The following ARHGAP15 variants were observed in gnomAD, a reference collection of about 807,000 sequenced individuals.
ARHGAP15 encodes Rho GTPase activating protein 15, also known as rho GTPase-activating protein 15.
A neutral mutation model predicts 63.7 loss-of-function variants in ARHGAP15; 51 were observed. That is an observed-to-expected ratio of 0.80 (90% CI 0.64 to 1.01). The LOEUF (loss-of-function observed/expected upper bound fraction) is 1.01. ARHGAP15 is among the 50% of genes least tolerant of loss of function. The pLI is 0.00. For missense variants in ARHGAP15, 560 were observed against 564.6 expected, an observed-to-expected ratio of 0.99 and a Z score of 0.08; for synonymous variants, 191 against 193.8, an observed-to-expected ratio of 0.99 and a Z score of 0.12.
At chr2:143,373,996 A>G (rs778235496) in intron 6 of ARHGAP15, among the ~76,000 whole-genome samples, 48 of 152,182 alleles carry the variant, frequency 3.2e-4, no homozygotes, top group Non-Finnish European at 5.6e-4. Flanking sequence ...TTTCAGAAAT[A>G]TGTTAGCTCT....
intron 11 of ARHGAP15, among the ~76,000 whole-genome samples, chr2:143,558,857 C>T (rs541756780): frequency 3.1e-4 from 47 of 152,294 alleles, no homozygotes; most frequent in African/African-American, 1.1e-3. Flanking sequence ...TGCCACATGA[C>T]TCTTGTTTCT....
chr2:143,763,630 A>C (rs1686841122), intron 13 of ARHGAP15, among the ~76,000 whole-genome samples: 1 of 150,322 alleles, frequency 6.7e-6, no homozygotes, highest in African/African-American at 2.4e-5. Context: ...TAAATAATAA[A>C]TTGCATATAT....
intron 12 of ARHGAP15, among the ~76,000 whole-genome samples, chr2:143,652,165 A>G (rs1471770784): frequency 6.6e-6 from 1 of 151,846 alleles, no homozygotes; most frequent in Non-Finnish European, 1.5e-5. Context: ...TTCTTATTCA[A>G]ACTTGTTTTT....
chr2:143,483,410 ATT>A (rs1323885593), intron 8 of ARHGAP15, among the ~76,000 whole-genome samples: 2 of 152,192 alleles, frequency 1.3e-5, no homozygotes, highest in Admixed American at 1.3e-4. Context: ...TTGGCCCTGC[ATT>A]TCTTGGTATT....
intron 11 of ARHGAP15, among the ~76,000 whole-genome samples, chr2:143,619,142 G>A (rs1330849445): frequency 6.6e-6 from 1 of 152,048 alleles, no homozygotes; most frequent in Admixed American, 6.5e-5. Context: ...ATATTTAAAT[G>A]CTCCTTGTTC....
intron 9 of ARHGAP15, among the ~76,000 whole-genome samples, chr2:143,500,243 AT>A (rs1291840555): frequency 6.7e-6 from 1 of 149,476 alleles, no homozygotes; most frequent in Non-Finnish European, 1.5e-5. Context: ...TATTTTATAT[AT>A]TTTTATATAT....
At chr2:143,433,820 CATTT>C (rs1296649797) in intron 6 of ARHGAP15, among the ~76,000 whole-genome samples, 2 of 151,972 alleles carry the variant, frequency 1.3e-5, no homozygotes, top group African/African-American at 4.8e-5. Flanking sequence ...TTGGCTAATT[CATTT>C]GTCTTTGTGT....
At chr2:143,333,396 C>A (rs1684635301) in intron 6 of ARHGAP15, among the ~76,000 whole-genome samples, 1 of 152,180 alleles carries the variant, frequency 6.6e-6, no homozygotes, top group Admixed American at 6.5e-5. Context: ...CTCATTCGAG[C>A]CCTTCTTGTC....
At chr2:143,493,203 G>T (rs1199427229) in intron 9 of ARHGAP15, among the ~76,000 whole-genome samples, 1 of 152,042 alleles carries the variant, frequency 6.6e-6, no homozygotes. Flanking sequence ...AAAGGGTAAG[G>T]CCCCTGATTA....
intron 13 of ARHGAP15, among the ~76,000 whole-genome samples, chr2:143,716,648 A>C (rs890057435): frequency 1.3e-5 from 2 of 152,358 alleles, no homozygotes; most frequent in East Asian, 3.9e-4. Flanking sequence ...AGCAAACTTC[A>C]AAGTGGAAGG....
At chr2:143,545,285 C>G (rs1371451861) in intron 10 of ARHGAP15, among the ~76,000 whole-genome samples, 1 of 151,978 alleles carries the variant, frequency 6.6e-6, no homozygotes, top group African/African-American at 2.4e-5. Flanking sequence ...AGGCACCTCC[C>G]CAAAGATCAA....
chr2:143,275,731 C>T lies in ARHGAP15; in HGVS notation c.474+25131C>T, dbSNP rs1013928893. Among the ~76,000 whole-genome samples, 12 of 152,088 alleles carry T rather than the reference C, an allele frequency of 7.9e-5. No individual in the cohort carries two copies. In the East Asian group the frequency reaches 9.6e-4, roughly 12 times the overall value. On this transcript the variant is annotated intron_variant, in intron 6 of 13. Transcript: ENST00000295095. ...CTATGATAATGTAGTTCCCTGGACC[C>T]GGTAGTCCTCTGATACGCTGGTTTG...
At chr2:143,669,748 A>T in intron 12 of ARHGAP15, among the ~76,000 whole-genome samples, 1 of 152,204 alleles carries the variant, frequency 6.6e-6, no homozygotes, top group East Asian at 1.9e-4. Flanking sequence ...AATATATTTT[A>T]TAATCCAGCA....
chr2:143,387,710 A>G (rs1410065543), intron 6 of ARHGAP15, among the ~76,000 whole-genome samples: 1 of 152,170 alleles, frequency 6.6e-6, no homozygotes, highest in African/African-American at 2.4e-5. Flanking sequence ...AAAATAGAAA[A>G]AAAAAAACAC....
At chr2:143,395,987 T>C (rs899610346) in intron 6 of ARHGAP15, among the ~76,000 whole-genome samples, 7 of 151,986 alleles carry the variant, frequency 4.6e-5, no homozygotes, top group Non-Finnish European at 8.8e-5. Context: ...CTAGTCAAAA[T>C]CAGAACCAGA....
At chr2:143,502,570 T>G (rs780220692) in intron 9 of ARHGAP15, among the ~76,000 whole-genome samples, 4 of 150,182 alleles carry the variant, frequency 2.7e-5, no homozygotes, top group Non-Finnish European at 5.9e-5. Context: ...GTGGATCGTT[T>G]TGTTGTTGTT....
At chr2:143,583,218 C>T (rs1002006956) in intron 11 of ARHGAP15, among the ~76,000 whole-genome samples, 7 of 151,978 alleles carry the variant, frequency 4.6e-5, no homozygotes, top group East Asian at 1.9e-4. Context: ...TTTAAGTGGC[C>T]GGTAATATGA....
At chr2:143,130,441 A>G (rs1275384795) in intron 1 of ARHGAP15, among the ~76,000 whole-genome samples, 2 of 152,080 alleles carry the variant, frequency 1.3e-5, no homozygotes, top group Non-Finnish European at 2.9e-5. Flanking sequence ...TTCTTCCCTA[A>G]TATTATTTTT....
At chr2:143,178,910 T>G (rs1691115232) in intron 2 of ARHGAP15, among the ~76,000 whole-genome samples, 1 of 152,260 alleles carries the variant, frequency 6.6e-6, no homozygotes, top group Non-Finnish European at 1.5e-5. Context: ...ATCGCCAGTC[T>G]GGAATCACCA....
Sources: allele counts gnomAD v4.1 joint callset (sites outside exome capture counted in the v4.1 genomes callset), GRCh38; gene constraint gnomAD v4.1.1; transcripts MANE v1.5; gene names NCBI Gene and HGNC (gene_info 2026-07-23, HGNC 2026-07-21).